NT5DC3: variants seen among roughly 807,000 people sequenced by gnomAD.
NT5DC3 encodes 5'-nucleotidase domain-containing protein 3.
In NT5DC3, 42 loss-of-function variants were observed where a neutral mutation model predicts 67.8. The ratio of observed to expected loss-of-function variants is 0.62; its 90% confidence interval spans 0.48 to 0.80. NT5DC3 has a LOEUF of 0.80. NT5DC3 is among the 30% of genes least tolerant of loss of function. The probability of loss-of-function intolerance (pLI) is 0.00; values close to 1 mark genes in which losing one functional copy is unlikely to be tolerated. For synonymous variants in NT5DC3, 237 were observed against 255.6 expected (o/e 0.93, Z 0.69); for missense variants, 570 against 696.4 (o/e 0.82, Z 2.04).
the NT5DC3 span, chr12:103,753,321 G>A: frequency 6.2e-7 from 1 of 1,614,222 alleles, no homozygotes; most frequent in Non-Finnish European, 8.5e-7. Context: ...TGCGACCATG[G>A]CAACCTACAA....
chr12:103,758,074 T>C, the NT5DC3 span: 1 of 1,556,880 alleles, frequency 6.4e-7, no homozygotes, highest in Non-Finnish European at 8.7e-7. Flanking sequence ...ACACCATGAA[T>C]ATTCACAGAT....
At chr12:103,757,087 T>C in the NT5DC3 span, among the ~76,000 whole-genome samples, 1 of 149,698 alleles carries the variant, frequency 6.7e-6, no homozygotes, top group African/African-American at 2.4e-5. Context: ...TATTTATATA[T>C]ATTTTGTTTG....
rs1282786233 is a variant in NT5DC3, at chr12:103,806,920, C to T, written c.403G>A (p.Glu135Lys). Residue 135 changes from glutamate to lysine, a missense_variant, in exon 3 of 14, where the codon GAA (glutamate) becomes AAA (lysine). Around this residue, in one of 2 missense-constraint regions of NT5DC3, gnomAD observed 466 missense variants for 608.0 expected, o/e 0.77. Transcript: ENST00000392876. ...LLINEHRYPA[E>K]IRKYEYDPNF... is the part of the protein sequence containing the mutation. Reference sequence around the variant, plus strand: ...GGGTCATACTCATACTTCCTGATTTCTGCTGGATACTAAGAAAGAAGAAAG... The same window carrying T: ...GGGTCATACTCATACTTCCTGATTTTTGCTGGATACTAAGAAAGAAGAAAG... 2 of 1,594,890 alleles carry T rather than the reference C, an allele frequency of 1.3e-6. No homozygotes were observed. The highest frequency in any genetic ancestry group is 2.7e-5 in the African/African-American group (2 of 74,588).
At chr12:103,767,705 A>AC, downstream of NT5DC3, among the ~76,000 whole-genome samples, 1 of 152,104 alleles carries the variant, frequency 6.6e-6, no homozygotes, top group Admixed American at 6.5e-5. Context: ...TGCAAGAGTG[A>AC]TTGATTTGCA....
At chr12:103,761,212 G>A in the NT5DC3 span, 25 of 1,230,232 alleles carry the variant, frequency 2.0e-5, no homozygotes, top group Non-Finnish European at 2.8e-5. Context: ...ATGGGCTCAG[G>A]GGCCTTGGGA....
intron 2 of NT5DC3, among the ~76,000 whole-genome samples, chr12:103,810,526 C>T (rs1463971066): frequency 6.6e-6 from 1 of 152,178 alleles, no homozygotes; most frequent in African/African-American, 2.4e-5. Context: ...ACTGGTATCC[C>T]TAAAAGCAGT....
At chr12:103,778,397 G>A (rs942819970) in intron 13 of NT5DC3, among the ~76,000 whole-genome samples, 3 of 152,120 alleles carry the variant, frequency 2.0e-5, no homozygotes, top group African/African-American at 4.8e-5. Context: ...CAGGCGTGGT[G>A]GCGCACACCT....
At chr12:103,746,803 T>C in the NT5DC3 span, 30 of 1,174,724 alleles carry the variant, frequency 2.6e-5, no homozygotes, top group Non-Finnish European at 3.8e-5. Flanking sequence ...CTCCTTCCTG[T>C]CTGGGCCACT....
chr12:103,762,330 T>C, the NT5DC3 span: 1 of 1,614,130 alleles, frequency 6.2e-7, no homozygotes, highest in Non-Finnish European at 8.5e-7. Flanking sequence ...TCCTGGTGAC[T>C]GGGGCTGTTG....
At chr12:103,767,702 G>C (rs559485804), downstream of NT5DC3, among the ~76,000 whole-genome samples, 83 of 152,140 alleles carry the variant, frequency 5.5e-4, no homozygotes, top group African/African-American at 1.8e-3. Context: ...CACTGCAAGA[G>C]TGATTGATTT....
At chr12:103,755,906 CT>C in the NT5DC3 span, among the ~76,000 whole-genome samples, 1 of 152,164 alleles carries the variant, frequency 6.6e-6, no homozygotes, top group African/African-American at 2.4e-5. Context: ...TTACTTTCCT[CT>C]CTGGGACTCA....
chr12:103,747,106 G>A, the NT5DC3 span, among the ~76,000 whole-genome samples: 3 of 151,694 alleles, frequency 2.0e-5, no homozygotes, highest in Admixed American at 6.6e-5. Flanking sequence ...ACAGGCATGC[G>A]CCACCGCACC....
rs961404854 is a variant in NT5DC3 at position 103,793,582 on chromosome 12, TG to T, written c.815-71del. The T allele has an allele frequency of 7.8e-5, 87 of 1,113,520 alleles. 1 individual carries two copies. The African/African-American group carries it at 1.2e-3, about 15-fold the overall frequency. 69.0% of individuals were successfully genotyped at this position (1,113,520 alleles called of 1,614,324 possible). A position where few individuals can be genotyped will look rare whatever the true frequency, so the allele number is the denominator to read the frequency against. ...TGTCAATCTGCAAGTACTTTCTAAATGGGGGTTTGGGTCCAGCACTGTCCTA... is the reference window on the plus strand; with the variant it reads ...TGTCAATCTGCAAGTACTTTCTAAATGGGGTTTGGGTCCAGCACTGTCCTA... On this transcript the variant is annotated intron_variant, in intron 7 of 13. Coordinates refer to ENST00000392876, the MANE Select transcript of NT5DC3 (RefSeq NM_001031701.3).
chr12:103,757,555 C>G, the NT5DC3 span, among the ~76,000 whole-genome samples: 77 of 152,332 alleles, frequency 5.1e-4, no homozygotes, highest in Non-Finnish European at 7.8e-4. Context: ...CAGGGTCCCC[C>G]TTCTGTCTGA....
chr12:103,748,560 G>A, the NT5DC3 span, among the ~76,000 whole-genome samples: 9 of 150,092 alleles, frequency 6.0e-5, no homozygotes, highest in Admixed American at 5.4e-4. Context: ...CTCACAGGGT[G>A]CTCAATATTG....
At chr12:103,836,881 G>T (rs1888170920) in intron 1 of NT5DC3, among the ~76,000 whole-genome samples, 1 of 152,122 alleles carries the variant, frequency 6.6e-6, no homozygotes, top group Non-Finnish European at 1.5e-5. Flanking sequence ...GCTGTCGGTG[G>T]ATCTACTATT....
chr12:103,796,216 T>C (rs569761027), intron 6 of NT5DC3, among the ~76,000 whole-genome samples: 1 of 152,266 alleles, frequency 6.6e-6, no homozygotes, highest in African/African-American at 2.4e-5. Context: ...ATGTAACCCA[T>C]GTGACGAAGA....
At chr12:103,778,747 A>C (rs879540814) in intron 13 of NT5DC3, among the ~76,000 whole-genome samples, 1 of 151,324 alleles carries the variant, frequency 6.6e-6, no homozygotes, top group Admixed American at 6.6e-5. Flanking sequence ...TTGAGGCTGC[A>C]GTGAGCTGTG....
the NT5DC3 span, chr12:103,757,894 T>C: frequency 2.2e-6 from 1 of 449,636 alleles, no homozygotes. Flanking sequence ...TTGAGAAGAC[T>C]CGAGATTTGA....
Sources: gnomAD v4.1 joint callset for allele counts (sites outside exome capture counted in the v4.1 genomes callset) on GRCh38, gnomAD v4.1.1 for gene constraint, gnomAD v4.1.1 regional missense constraint, MANE v1.5 for transcripts, NCBI Gene and HGNC (gene_info 2026-07-23, HGNC 2026-07-21) for gene names.